The following HK2 variants were observed in gnomAD, a reference collection of about 807,000 sequenced individuals.
HK2 encodes the protein hexokinase-2.
A neutral mutation model predicts 92.9 loss-of-function variants in HK2; 42 were observed. The ratio of observed to expected loss-of-function variants is 0.45; its 90% CI spans 0.35 to 0.58. The LOEUF (loss-of-function observed/expected upper bound fraction) is 0.58, where lower values mean the gene tolerates loss of function less well. HK2 is among the 20% of genes least tolerant of loss of function. The probability of loss-of-function intolerance (pLI) is 0.00; values close to 1 mark genes in which losing one functional copy is unlikely to be tolerated. For synonymous variants in HK2, 422 were observed against 468.0 expected (o/e 0.90, Z 1.27); for missense variants, 978 against 1,245.1 (o/e 0.79, Z 3.23).
intron 2 of HK2, among the ~76,000 whole-genome samples, chr2:74,867,308 T>C (rs1688977408): frequency 2.0e-5 from 3 of 152,092 alleles, no homozygotes; most frequent in Admixed American, 2.0e-4. Context: ...TCACTCATAA[T>C]TGGGAACTAA....
At chr2:74,885,769 G>A (rs556619116) in intron 13 of HK2, among the ~76,000 whole-genome samples, 180 bp downstream of exon 13, 4 of 151,762 alleles carry the variant, frequency 2.6e-5, no homozygotes, top group East Asian at 3.9e-4. Context: ...CAGCACTGGC[G>A]GTTCAGGAGT....
intron 9 of HK2, among the ~76,000 whole-genome samples, chr2:74,879,543 C>A (rs927450149): frequency 8.5e-5 from 13 of 152,182 alleles, no homozygotes; most frequent in Non-Finnish European, 1.2e-4. Context: ...TGCAAAAACT[C>A]GAGTGTGCAC....
chr2:74,889,511 C>A, intron 17 of HK2, 33 bp downstream of exon 17: 1 of 1,350,012 alleles, frequency 7.4e-7, no homozygotes, highest in African/African-American at 1.4e-5. Flanking sequence ...CCCTGCCTAC[C>A]TTCTTTCTGT....
chr2:74,859,039 C>A (rs1415827378), intron 2 of HK2, among the ~76,000 whole-genome samples: 2 of 152,220 alleles, frequency 1.3e-5, no homozygotes, highest in African/African-American at 4.8e-5. Context: ...AATTTGGTGT[C>A]AGCCAGAATA....
At chr2:74,846,814 C>T (rs1468971284) in intron 1 of HK2, among the ~76,000 whole-genome samples, 2 of 152,170 alleles carry the variant, frequency 1.3e-5, no homozygotes, top group Non-Finnish European at 2.9e-5. Flanking sequence ...GCCCATCCCA[C>T]CACCCTGTTT....
At chr2:74,886,425 G>A (rs1310425134) in intron 14 of HK2, 32 bp downstream of exon 14, 1 of 1,613,796 alleles carries the variant, frequency 6.2e-7, no homozygotes, top group Admixed American at 1.7e-5. Context: ...TCCACATGGG[G>A]ATGCACAGCC....
chr2:74,874,150 G>A (rs1689166938), intron 6 of HK2, 116 bp from the exon 7 acceptor site: 1 of 1,304,328 alleles, frequency 7.7e-7, no homozygotes, highest in East Asian at 2.3e-5. Flanking sequence ...CCCAGAGTCT[G>A]CAGTGAGAAA....
intron 3 of HK2, 181 bp downstream of exon 3, chr2:74,867,965 A>T: frequency 1.4e-6 from 1 of 697,452 alleles, no homozygotes; most frequent in Admixed American, 2.0e-5. Flanking sequence ...GTTGTATTTT[A>T]TACCCAACAT....
chr2:74,855,361 T>A (rs1433889986), intron 2 of HK2, among the ~76,000 whole-genome samples: 1 of 152,210 alleles, frequency 6.6e-6, no homozygotes, highest in Non-Finnish European at 1.5e-5. Context: ...TTTAATCATC[T>A]TATTTGGATA....
Position 74,888,023 on chromosome 2 carries a change from C to T in HK2, c.2340C>T (p.Gly780=), listed in dbSNP as rs757028607. The T allele has an allele frequency of 1.2e-6, 2 of 1,614,192 alleles. No homozygotes were observed. The highest frequency in any genetic ancestry group is 2.2e-5 in the South Asian group (2 of 91,088). Residue 780 remains glycine, a synonymous_variant, in exon 16 of 18, where the codon GGC becomes GGT. Transcript: ENST00000290573. The part of the protein sequence containing the change: ...GRISERLKTR[G]IFETKFLSQI... Reference sequence around the variant, plus strand: ...TCTCAGAGCGGCTCAAGACAAGGGGCATCTTTGAAACCAAGTTCTTGTCTC... The same window carrying T: ...TCTCAGAGCGGCTCAAGACAAGGGGTATCTTTGAAACCAAGTTCTTGTCTC...
intron 5 of HK2, 22 bp downstream of exon 5, chr2:74,873,393 T>C: frequency 2.6e-6 from 4 of 1,547,438 alleles, no homozygotes; most frequent in Non-Finnish European, 3.6e-6. Context: ...GGCAGGAGCT[T>C]GGGGTCTGTG....
intron 7 of HK2, among the ~76,000 whole-genome samples, chr2:74,876,699 A>G (rs1237670367): frequency 1.3e-5 from 2 of 152,304 alleles, no homozygotes; most frequent in South Asian, 2.1e-4. Flanking sequence ...TCTGGAGCCC[A>G]TGAACGGCTT....
chr2:74,845,815 C>T (rs998001166), intron 1 of HK2, among the ~76,000 whole-genome samples: 1 of 152,212 alleles, frequency 6.6e-6, no homozygotes, highest in Non-Finnish European at 1.5e-5. Flanking sequence ...GTGTGTCTTC[C>T]CCCCGGCTCA....
rs772185128 is a variant in HK2, at chr2:74,874,380, C to T, written c.806C>T (p.Ser269Leu). 13 of 1,613,588 alleles carry T rather than the reference C, an allele frequency of 8.1e-6. No homozygotes were observed. The East Asian group carries it at 8.9e-5, about 11-fold the overall frequency. ...MEWGAFGDDGSLNDIRTEFDQ... is the reference protein window; with the variant it reads ...MEWGAFGDDGLLNDIRTEFDQ... Reference sequence around the variant, plus strand: ...TGGGGGGCCTTCGGGGACGATGGCTCGCTCAACGACATTCGCACTGAGTTT... The same window carrying T: ...TGGGGGGCCTTCGGGGACGATGGCTTGCTCAACGACATTCGCACTGAGTTT... Residue 269 changes from serine to leucine, a missense_variant, in exon 7 of 18, where the codon TCG becomes TTG. By Grantham distance (145) the Ser-to-Leu change is moderately radical. Coordinates refer to ENST00000290573, the MANE Select transcript of HK2 (RefSeq NM_000189.5).
At chr2:74,848,490 GT>G (rs1688495101) in intron 1 of HK2, among the ~76,000 whole-genome samples, 1 of 152,100 alleles carries the variant, frequency 6.6e-6, no homozygotes, top group South Asian at 2.1e-4. Flanking sequence ...GTAAAATTAT[GT>G]TTCTGTACAC....
chr2:74,866,961 A>G (rs559362986), intron 2 of HK2, among the ~76,000 whole-genome samples: 1 of 151,986 alleles, frequency 6.6e-6, no homozygotes, highest in Admixed American at 6.5e-5. Context: ...GCAATATGCA[A>G]ACATAATATG....
In HK2 at chr2:74,862,540, A is replaced by G. The variant is rs987064451; in HGVS notation, c.227-5096A>G. ...CAAGCACATGATGTGATAAAGGGAG[A>G]CCGGGCTGGTGATACGTTGCATGGA... On this transcript the variant is annotated intron_variant, in intron 2 of 17. Transcript: ENST00000290573. Among the ~76,000 whole-genome samples the G allele has an allele frequency of 5.3e-5, 8 of 152,308 alleles. No individual in the cohort carries two copies. The South Asian group carries it at 1.7e-3, about 32-fold the overall frequency.
Position 74,882,110 on chromosome 2 carries a change from C to T in HK2, c.1720-10C>T. On this transcript the variant is annotated splice_polypyrimidine_tract_variant and intron_variant, in intron 11 of 17. Transcript: ENST00000290573. ...GGCCCCTCCCTCAGTGTCCTAACTT[C>T]TCCCTGCAGCTCTTTGACCACATTG... 6.2e-7 allele frequency: 1 copy of T among 1,614,076 alleles called. No homozygotes were observed. The highest frequency in any genetic ancestry group is 8.5e-7 in the Non-Finnish European group (1 of 1,179,984).
intron 15 of HK2, among the ~76,000 whole-genome samples, chr2:74,887,665 T>A (rs1255705165): frequency 6.6e-6 from 1 of 151,934 alleles, no homozygotes; most frequent in Non-Finnish European, 1.5e-5. Context: ...AAGGCTTATT[T>A]CCCCAGGAGC....
Sources: gnomAD v4.1 joint callset for allele counts (sites outside exome capture counted in the v4.1 genomes callset) on GRCh38, gnomAD v4.1.1 for gene constraint, MANE v1.5 for transcripts, NCBI Gene and HGNC (gene_info 2026-07-23, HGNC 2026-07-21) for gene names.